NHSL1: variants seen among roughly 807,000 people sequenced by gnomAD.
NHSL1 encodes the protein NHS like 1.
A neutral mutation model predicts 95.0 loss-of-function variants in NHSL1; 48 were observed. The ratio of observed to expected loss-of-function variants is 0.51; its 90% CI spans 0.40 to 0.64. The LOEUF is 0.64. Ranked by LOEUF, NHSL1 falls within the 30% of genes least tolerant of loss-of-function variation. The pLI is 0.00. For missense variants in NHSL1, 1,971 were observed against 2,077.7 expected (o/e 0.95, Z 1.00); for synonymous variants, 783 against 833.9 (o/e 0.94, Z 1.05).
intron 1 of NHSL1, among the ~76,000 whole-genome samples, chr6:138,504,916 T>C (rs1204236021): frequency 1.3e-5 from 2 of 152,218 alleles, no homozygotes; most frequent in Non-Finnish European, 1.5e-5. Flanking sequence ...AGGAACCAAA[T>C]AAACCTAAAG....
rs6927981 is a variant in NHSL1 at position 138,431,105 on chromosome 6, G to C, written c.3240C>G (p.Pro1080=). The change falls in exon 6 of 8, where the codon CCC becomes CCG. Residue 1080 remains proline, a synonymous_variant. Coordinates refer to ENST00000343505, the MANE Select transcript of NHSL1 (RefSeq NM_001144060.2). This position sits in a 1 kb window ranked among gnomAD's most constrained non-coding sequence, Gnocchi z 4.0. The part of the protein sequence containing the change: ...TEALQMVQLR[P]VRKNSGAEAA... ...CCTCAGCGCCTGAGTTCTTTCTCAC[G>C]GGCCTCAACTGCACCATCTGCAATG... 1.3e-6 allele frequency: 2 copies of C among 1,551,808 alleles called. No individual in the cohort carries two copies. Among genetic ancestry groups the C allele is most frequent in the Non-Finnish European group, 1.7e-6 (2 of 1,147,022 alleles).
intron 1 of NHSL1, among the ~76,000 whole-genome samples, chr6:138,512,030 T>G (rs1781256638): frequency 6.6e-6 from 1 of 152,208 alleles, no homozygotes; most frequent in African/African-American, 2.4e-5. Flanking sequence ...TTGTATCACC[T>G]CATCTGAAAC....
intron 1 of NHSL1, among the ~76,000 whole-genome samples, chr6:138,552,543 T>C (rs1783048471): frequency 6.6e-6 from 1 of 152,202 alleles, no homozygotes; most frequent in South Asian, 2.1e-4. Context: ...AGCCCTCATT[T>C]GGCTCCTTTT....
In NHSL1 at chr6:138,523,440, G is replaced by C. The variant is rs149555805; in HGVS notation, c.16+22183C>G. On this transcript the variant is annotated intron_variant, in intron 1 of 4. Transcript: ENST00000342260. ...TCCTCCTGCTTCAGCCTTCCAAGTA[G>C]CTGGGACTACAAGTGCGAGCCACCA... 1.0e-3 allele frequency among the ~76,000 whole-genome samples: 154 copies of C among 151,936 alleles called. 1 individual carries two copies. Among genetic ancestry groups the C allele is most frequent in the African/African-American group, 3.6e-3 (150 of 41,434 alleles).
Position 138,505,652 on chromosome 6 carries a change from CAAAAAA to C in NHSL1, c.17-9287_17-9282del, listed in dbSNP as rs10559023. ...TGGGCGACAGAGCTAGACTCCATTT[CAAAAAA>C]AAAAAAAAAAAAAAAGAATATGAAA... On this transcript the variant is annotated intron_variant, in intron 1 of 4. Transcript: ENST00000342260. Among the ~76,000 whole-genome samples, 474 of 87,710 alleles carry C rather than the reference CAAAAAA, an allele frequency of 5.4e-3. 1 individual carries two copies. The highest frequency in any genetic ancestry group is 8.4e-3 in the Non-Finnish European group (368 of 43,762). The allele number at this position is 87,710 out of a possible 152,430, so 57.5% of individuals were successfully genotyped here. A position where few individuals can be genotyped will look rare whatever the true frequency, so the allele number is the denominator to read the frequency against.
At chr6:138,535,195 T>A (rs1782286636) in intron 1 of NHSL1, among the ~76,000 whole-genome samples, 1 of 151,934 alleles carries the variant, frequency 6.6e-6, no homozygotes, top group African/African-American at 2.4e-5. Context: ...TGGTAAGAGG[T>A]AGTCAGATAA....
intron 5 of NHSL1, among the ~76,000 whole-genome samples, chr6:138,437,331 T>TATATATATACACAC (rs1562270082): frequency 1.7e-5 from 1 of 58,034 alleles, no homozygotes; most frequent in African/African-American, 7.7e-5. Context: ...CACACACACA[T>TATATATATACACAC]ATATATATAT....
intron 1 of NHSL1, among the ~76,000 whole-genome samples, chr6:138,532,916 G>T (rs947800108): frequency 2.6e-5 from 4 of 152,146 alleles, no homozygotes; most frequent in Non-Finnish European, 5.9e-5. Context: ...CCTATCAGAG[G>T]TCAAGGTTCC....
At chr6:138,469,212 T>A (rs1241497965) in intron 3 of NHSL1, among the ~76,000 whole-genome samples, 1 of 152,204 alleles carries the variant, frequency 6.6e-6, no homozygotes. Flanking sequence ...AAAGAATTAC[T>A]GTTGAATAAA....
At chr6:138,460,407 C>T (rs1224199496) in intron 3 of NHSL1, among the ~76,000 whole-genome samples, 2 of 152,042 alleles carry the variant, frequency 1.3e-5, no homozygotes, top group African/African-American at 4.8e-5. Context: ...ATTAAACCAA[C>T]CATGGATTAA....
At chr6:138,684,070 G>C (rs906935359) in intron 1 of NHSL1, among the ~76,000 whole-genome samples, 35 of 151,494 alleles carry the variant, frequency 2.3e-4, no homozygotes, top group African/African-American at 8.5e-4. Flanking sequence ...AAATCAGCTG[G>C]GCATGGTGGT....
At chr6:138,657,687 C>T (rs1416617215) in intron 1 of NHSL1, among the ~76,000 whole-genome samples, 13 of 151,278 alleles carry the variant, frequency 8.6e-5, no homozygotes, top group African/African-American at 2.9e-4. Flanking sequence ...TGGTGGCGGG[C>T]GCCTGTGGTC....
At chr6:138,511,885 G>A (rs1781248427) in intron 1 of NHSL1, among the ~76,000 whole-genome samples, 1 of 152,188 alleles carries the variant, frequency 6.6e-6, no homozygotes. Flanking sequence ...TCCAGCCTGG[G>A]CAATAGAGCG....
intron 3 of NHSL1, among the ~76,000 whole-genome samples, chr6:138,459,137 A>T (rs1777828996): frequency 6.6e-6 from 1 of 151,896 alleles, no homozygotes; most frequent in Non-Finnish European, 1.5e-5. Context: ...ACAGGCACAC[A>T]CCACCATGCC....
intron 1 of NHSL1, among the ~76,000 whole-genome samples, chr6:138,583,825 T>C (rs545340168): frequency 6.6e-6 from 1 of 152,038 alleles, no homozygotes; most frequent in Non-Finnish European, 1.5e-5. Flanking sequence ...AACTCTATAG[T>C]CCCCACTGCA....
rs56326954 is a variant in NHSL1, at chr6:138,423,815, C to CAAAA, written c.*262_*265dup. 6.2e-4 allele frequency: 86 copies of CAAAA among 139,094 alleles called. 4 individuals are homozygous for CAAAA. Among genetic ancestry groups the CAAAA allele is most frequent in the African/African-American group, 3.1e-3 (82 of 26,534 alleles). 8.6% of individuals were successfully genotyped at this position (139,094 alleles called of 1,614,324 possible). A position where few individuals can be genotyped will look rare whatever the true frequency, so the allele number is the denominator to read the frequency against. ...GCACACATACACACCCAGCATTTAG[C>CAAAA]AAAAAAAAAAAAAAAAAAAAAAAAT... On this transcript the variant is annotated 3_prime_UTR_variant, in exon 8 of 8. Transcript: ENST00000343505.
intron 1 of NHSL1, among the ~76,000 whole-genome samples, chr6:138,589,320 C>T (rs765911049): frequency 2.6e-5 from 4 of 152,094 alleles, no homozygotes; most frequent in African/African-American, 7.2e-5. Flanking sequence ...CTAAATGATG[C>T]GGGGTGCTTA....
upstream of NHSL1, among the ~76,000 whole-genome samples, chr6:138,576,995 T>G (rs1440290688): frequency 6.6e-6 from 1 of 152,210 alleles, no homozygotes; most frequent in Non-Finnish European, 1.5e-5. Context: ...CTAGAGGAAG[T>G]TCTAGAATCA....
At chr6:138,459,144 T>C (rs1041076392) in intron 3 of NHSL1, among the ~76,000 whole-genome samples, 1 of 152,028 alleles carries the variant, frequency 6.6e-6, no homozygotes, top group Non-Finnish European at 1.5e-5. Context: ...CACACCACCA[T>C]GCCCAGCTGA....
Sources: allele counts gnomAD v4.1 joint callset (sites outside exome capture counted in the v4.1 genomes callset), GRCh38; gene constraint gnomAD v4.1.1; non-coding constraint Gnocchi (gnomAD v3.1); transcripts MANE v1.5; gene names NCBI Gene and HGNC (gene_info 2026-07-23, HGNC 2026-07-21).